HIVEP3: variants seen among roughly 807,000 people sequenced by gnomAD.
HIVEP3 encodes the protein transcription factor HIVEP3.
A neutral mutation model predicts 152.8 loss-of-function variants in HIVEP3; 49 were observed. The observed-to-expected ratio is 0.32, with a 90% CI of 0.26 to 0.41. The LOEUF is 0.41. Among genes scored for constraint, HIVEP3 ranks in the 10% least tolerant of loss-of-function variants. The pLI, the probability that HIVEP3 is intolerant of heterozygous loss-of-function variation, is 1.00. For missense variants in HIVEP3, 2,790 were observed against 3,103.3 expected (o/e 0.90, Z 2.40); for synonymous variants, 1,269 against 1,289.0 (o/e 0.98, Z 0.33).
intron 2 of HIVEP3, among the ~76,000 whole-genome samples, chr1:41,676,210 C>T (rs911643059): frequency 2.2e-4 from 34 of 152,202 alleles, no homozygotes; most frequent in South Asian, 4.1e-4. Context: ...TGCCACCATG[C>T]CCCACTAATT....
At chr1:41,905,151 A>G (rs992458881) in intron 1 of HIVEP3, among the ~76,000 whole-genome samples, 15 of 152,310 alleles carry the variant, frequency 9.8e-5, no homozygotes, top group Non-Finnish European at 2.1e-4. Context: ...TGGACCCACA[A>G]CTGAGAGAAG....
chr1:41,809,832 G>T (rs546892165), intron 1 of HIVEP3, among the ~76,000 whole-genome samples: 3 of 152,248 alleles, frequency 2.0e-5, no homozygotes, highest in South Asian at 2.1e-4. Flanking sequence ...AAAGGGGAAG[G>T]TCCCTGAGAA....
intron 1 of HIVEP3, among the ~76,000 whole-genome samples, chr1:41,819,731 G>A (rs1453998531): frequency 6.6e-6 from 1 of 152,112 alleles, no homozygotes; most frequent in Non-Finnish European, 1.5e-5. Flanking sequence ...GGTTTTTCTT[G>A]TAGTTAGAGA....
intron 1 of HIVEP3, among the ~76,000 whole-genome samples, chr1:41,947,135 A>G (rs957842902): frequency 3.9e-5 from 6 of 152,296 alleles, no homozygotes; most frequent in African/African-American, 1.4e-4. Context: ...TTTTACCCCA[A>G]GGGTTCAGGG....
chr1:41,931,598 T>C (rs1194307621), intron 1 of HIVEP3, among the ~76,000 whole-genome samples: 1 of 152,086 alleles, frequency 6.6e-6, no homozygotes, highest in East Asian at 1.9e-4. Flanking sequence ...TTCCAATCCA[T>C]GAATACAGTA....
intron 1 of HIVEP3, among the ~76,000 whole-genome samples, chr1:41,910,115 A>G (rs188106696): frequency 1.0e-3 from 154 of 152,138 alleles, no homozygotes; most frequent in African/African-American, 3.5e-3. Flanking sequence ...AAACTAGAAA[A>G]CAAAAGATGG....
In HIVEP3 at chr1:41,582,446, T is replaced by C; in HGVS notation, c.2352A>G (p.Ser784=). The change falls in exon 4 of 9, where the codon TCA becomes TCG. Residue 784 remains serine (S), a synonymous_variant. Coordinates refer to ENST00000372583, the MANE Select transcript of HIVEP3 (RefSeq NM_024503.5). This position sits in a 1 kb window ranked among gnomAD's most constrained non-coding sequence, Gnocchi z 4.7. ...TTGTTCTCCTCTCCTTCCCTGATTC[T>C]GAACCGGACCCTGGCTTGGGAGTCC... ...QPRTPKPGSG[S]ESGKERRTTS... is the part of the protein sequence containing the mutation. 2 of 1,614,180 alleles carry C rather than the reference T, an allele frequency of 1.2e-6. No individual in the cohort carries two copies. Among genetic ancestry groups the C allele is most frequent in the Non-Finnish European group, 1.7e-6 (2 of 1,179,976 alleles).
intron 5 of HIVEP3, among the ~76,000 whole-genome samples, chr1:41,571,677 G>A (rs542305226): frequency 6.6e-6 from 1 of 152,286 alleles, no homozygotes; most frequent in African/African-American, 2.4e-5. Context: ...AGGGATTTGG[G>A]AGGCTCGTTA....
At chr1:41,776,385 G>C (rs555716305) in intron 1 of HIVEP3, among the ~76,000 whole-genome samples, 1 of 152,278 alleles carries the variant, frequency 6.6e-6, no homozygotes, top group Non-Finnish European at 1.5e-5. Flanking sequence ...GTCCACGCTT[G>C]AGCCAGTGTT....
At chr1:41,665,831 GC>G (rs1645788112) in intron 2 of HIVEP3, among the ~76,000 whole-genome samples, 3 of 151,912 alleles carry the variant, frequency 2.0e-5, no homozygotes, top group Admixed American at 2.0e-4. Flanking sequence ...CATCTGATCT[GC>G]CATCTAGAAA....
intron 1 of HIVEP3, among the ~76,000 whole-genome samples, chr1:41,832,690 T>G: frequency 6.6e-6 from 1 of 152,338 alleles, no homozygotes; most frequent in South Asian, 2.1e-4. Context: ...TAGTAGATAT[T>G]TAGTAAGTGT....
chr1:41,780,093 G>A (rs1369556192), intron 1 of HIVEP3, among the ~76,000 whole-genome samples: 3 of 152,216 alleles, frequency 2.0e-5, no homozygotes, highest in African/African-American at 2.4e-5. Context: ...TGCTAGGGAC[G>A]AGGTTGCAGA....
intron 1 of HIVEP3, among the ~76,000 whole-genome samples, chr1:42,015,440 G>A (rs1031362333): frequency 6.6e-6 from 1 of 152,328 alleles, no homozygotes; most frequent in South Asian, 2.1e-4. Flanking sequence ...ACCTGTGAGG[G>A]GTTTGCATGG....
At chr1:41,815,758 T>C (rs918629772) in intron 1 of HIVEP3, among the ~76,000 whole-genome samples, 2 of 151,954 alleles carry the variant, frequency 1.3e-5, no homozygotes, top group African/African-American at 4.8e-5. Context: ...TTATTGTTTT[T>C]TTTTTTTTTA....
intron 1 of HIVEP3, among the ~76,000 whole-genome samples, chr1:41,977,781 CT>C (rs2124508205): frequency 6.6e-6 from 1 of 152,304 alleles, no homozygotes; most frequent in Admixed American, 6.5e-5. Context: ...TGAGACTGGC[CT>C]GCTGTGTGTG....
chr1:41,910,957 G>C (rs1350635796), intron 1 of HIVEP3, among the ~76,000 whole-genome samples: 1 of 151,930 alleles, frequency 6.6e-6, no homozygotes, highest in Non-Finnish European at 1.5e-5. Flanking sequence ...CTGTCCTTAA[G>C]GATGTCCTTT....
chr1:41,705,089 T>G (rs574043572), intron 1 of HIVEP3, among the ~76,000 whole-genome samples: 3 of 152,216 alleles, frequency 2.0e-5, no homozygotes, highest in Non-Finnish European at 2.9e-5. Flanking sequence ...TGAACCCTCA[T>G]GACAATCCTG....
At chr1:41,732,612 C>G (rs908149683) in intron 1 of HIVEP3, among the ~76,000 whole-genome samples, 1 of 152,100 alleles carries the variant, frequency 6.6e-6, no homozygotes, top group African/African-American at 2.4e-5. Context: ...GTACCCAAGC[C>G]ACTCTTACCC....
At chr1:41,550,089 A>G (rs1271221499) in intron 5 of HIVEP3, among the ~76,000 whole-genome samples, 2 of 152,244 alleles carry the variant, frequency 1.3e-5, no homozygotes, top group Non-Finnish European at 2.9e-5. Flanking sequence ...AGCTTTCTAC[A>G]TAGGGCTAGC....
Sources: allele counts gnomAD v4.1 joint callset (sites outside exome capture counted in the v4.1 genomes callset), GRCh38; gene constraint gnomAD v4.1.1; non-coding constraint Gnocchi (gnomAD v3.1); transcripts MANE v1.5; gene names NCBI Gene and HGNC (gene_info 2026-07-23, HGNC 2026-07-21).